The following PPP1CB variants were observed in gnomAD, a reference collection of about 807,000 sequenced individuals.
PPP1CB encodes the protein protein phosphatase 1 catalytic subunit beta.
In PPP1CB, 2 loss-of-function variants were observed where a neutral mutation model predicts 43.7. The ratio of observed to expected loss-of-function variants is 0.05; its 90% CI spans 0.02 to 0.14. The LOEUF (loss-of-function observed/expected upper bound fraction) is 0.14. Among genes scored for constraint, PPP1CB ranks in the 10% least tolerant of loss-of-function variants. The probability of loss-of-function intolerance (pLI) is 1.00; values close to 1 mark genes in which losing one functional copy is unlikely to be tolerated. For missense variants in PPP1CB, 84 were observed against 398.0 expected (o/e 0.21, Z 6.71); for synonymous variants, 136 against 135.6 (o/e 1.00, Z -0.02).
intron 1 of PPP1CB, among the ~76,000 whole-genome samples, chr2:28,752,793 GAC>G (rs1487515895): frequency 2.0e-5 from 3 of 152,216 alleles, no homozygotes; most frequent in African/African-American, 7.2e-5. Context: ...AAAATTGTAA[GAC>G]AAGATATTTG....
intron 5 of PPP1CB, among the ~76,000 whole-genome samples, chr2:28,786,589 C>G (rs1284431466): frequency 6.6e-6 from 1 of 151,828 alleles, no homozygotes; most frequent in Non-Finnish European, 1.5e-5. Context: ...TCGAGACCAT[C>G]CTGGCTAACA....
At position 28,766,281 on chromosome 2, in the gene PPP1CB, T is replaced by C. The variant is rs544503868; in HGVS notation, c.53-10570T>C. Among the ~76,000 whole-genome samples, 6 of 152,336 alleles carry C rather than the reference T, an allele frequency of 3.9e-5. No homozygotes were observed. In the South Asian group the frequency reaches 1.0e-3, roughly 26 times the overall value. Reference sequence around the variant, plus strand: ...TGTGTGGTTGGCCAAATGAGGATATTCAGCTTTTATTACTAACAAATAGTC... The same window carrying C: ...TGTGTGGTTGGCCAAATGAGGATATCCAGCTTTTATTACTAACAAATAGTC... On this transcript the variant is annotated intron_variant, in intron 1 of 7. Transcript: ENST00000395366.
intron 1 of PPP1CB, among the ~76,000 whole-genome samples, chr2:28,772,508 A>G (rs1186866869): frequency 6.6e-6 from 1 of 152,194 alleles, no homozygotes; most frequent in Non-Finnish European, 1.5e-5. Flanking sequence ...TACTTAATGA[A>G]ATAAACTGAC....
In PPP1CB at chr2:28,801,110, A is replaced by G. The variant is rs1441469886; in HGVS notation, c.*1807A>G. The G allele has an allele frequency of 2.0e-5, 3 of 152,326 alleles. No homozygotes were observed. The highest frequency in any genetic ancestry group is 1.9e-4 in the East Asian group (1 of 5,188). The allele number at this position is 152,326 out of a possible 1,614,324, so 9.4% of individuals were successfully genotyped here. On this transcript the variant is annotated 3_prime_UTR_variant, in exon 8 of 8. Transcript: ENST00000395366. ...CACACATTTTATTCACATAGATACT[A>G]TGTCCTTGACATATTGAAATGATTC...
chr2:28,780,989 G>T (rs1338245321), intron 3 of PPP1CB, among the ~76,000 whole-genome samples: 1 of 152,068 alleles, frequency 6.6e-6, no homozygotes, highest in Non-Finnish European at 1.5e-5. Flanking sequence ...ATGCATTAGT[G>T]TTAAAATGGA....
chr2:28,783,884 A>G (rs1191698421), intron 4 of PPP1CB, 23 bp from the exon 5 acceptor site: 9 of 1,570,380 alleles, frequency 5.7e-6, no homozygotes, highest in Admixed American at 5.0e-5. Context: ...TGTTAGTACT[A>G]TGTCTCATCT....
At chr2:28,752,888 A>G (rs968529603) in intron 1 of PPP1CB, among the ~76,000 whole-genome samples, 1 of 152,248 alleles carries the variant, frequency 6.6e-6, no homozygotes, top group Non-Finnish European at 1.5e-5. Context: ...TGATTTGAGC[A>G]GAGCTTAATT....
At chr2:28,798,242 A>G (rs1667536758) in intron 7 of PPP1CB, among the ~76,000 whole-genome samples, 1 of 152,132 alleles carries the variant, frequency 6.6e-6, no homozygotes, top group Non-Finnish European at 1.5e-5. Context: ...GAGTGTAGTA[A>G]AAAAGCCAGA....
chr2:28,765,998 AT>A (rs994758704), intron 1 of PPP1CB, among the ~76,000 whole-genome samples: 3 of 152,056 alleles, frequency 2.0e-5, no homozygotes, highest in African/African-American at 7.3e-5. Flanking sequence ...TTTCTCATAT[AT>A]TTTTTTGCCT....
chr2:28,770,391 G>A (rs1666878977), intron 1 of PPP1CB, among the ~76,000 whole-genome samples: 1 of 125,824 alleles, frequency 7.9e-6, no homozygotes, highest in Non-Finnish European at 1.7e-5. Context: ...AGGGGGGGGG[G>A]AGGGGGGTGT....
intron 1 of PPP1CB, among the ~76,000 whole-genome samples, chr2:28,773,925 T>C (rs1263614696): frequency 6.6e-6 from 1 of 152,176 alleles, no homozygotes; most frequent in South Asian, 2.1e-4. Flanking sequence ...GGGCTGCCAA[T>C]TATAATTGTA....
chr2:28,752,394 G>A (rs1303667884), intron 1 of PPP1CB, among the ~76,000 whole-genome samples: 1 of 152,158 alleles, frequency 6.6e-6, no homozygotes, highest in African/African-American at 2.4e-5. Flanking sequence ...GGGGAGAGGG[G>A]GCCGTTCCCG....
At chr2:28,792,459 C>T (rs1667408722) in intron 6 of PPP1CB, among the ~76,000 whole-genome samples, 1 of 152,080 alleles carries the variant, frequency 6.6e-6, no homozygotes, top group Admixed American at 6.6e-5. Flanking sequence ...GAAGTTGTGA[C>T]TGCAGTAAGC....
At chr2:28,784,139 T>G (rs1397198829) in intron 5 of PPP1CB, among the ~76,000 whole-genome samples, 161 bp downstream of exon 5, 2 of 152,230 alleles carry the variant, frequency 1.3e-5, no homozygotes, top group Non-Finnish European at 2.9e-5. Context: ...TAATACACAA[T>G]TTTTCACTTT....
intron 4 of PPP1CB, chr2:28,782,830 G>A (rs1007557965): frequency 2.0e-5 from 3 of 152,188 alleles, no homozygotes; most frequent in African/African-American, 4.8e-5. Flanking sequence ...GTGGAAAAAC[G>A]CTGAAAAGAT....
intron 6 of PPP1CB, 135 bp downstream of exon 6, chr2:28,788,944 G>T: frequency 1.1e-6 from 1 of 887,252 alleles, no homozygotes. Flanking sequence ...TGCAACCTGT[G>T]CCTCCCGGGT....
rs993020352 is a variant in PPP1CB at position 28,799,142 on chromosome 2, T to A, written c.880-57T>A. On this transcript the variant is annotated intron_variant, in intron 7 of 7. Coordinates refer to ENST00000395366, the MANE Select transcript of PPP1CB (RefSeq NM_002709.3). ...TTATTGAAAATCACAATTGTAACAA[T>A]TTTCTTAACTTCTGTACATGAAAAA... 2.3e-5 allele frequency: 28 copies of A among 1,221,926 alleles called. No homozygotes were observed. The Admixed American group carries it at 6.4e-4, about 28-fold the overall frequency. The allele number at this position is 1,221,926 out of a possible 1,614,324, so 75.7% of individuals were successfully genotyped here.
intron 1 of PPP1CB, among the ~76,000 whole-genome samples, chr2:28,775,977 T>G (rs75656501): frequency 0.028 from 4,190 of 152,256 alleles, 172 homozygotes; most frequent in African/African-American, 0.087. Flanking sequence ...AAGTTAATTT[T>G]TAATACATAG....
intron 1 of PPP1CB, among the ~76,000 whole-genome samples, chr2:28,764,736 A>G (rs186201584): frequency 6.6e-5 from 10 of 152,094 alleles, no homozygotes; most frequent in African/African-American, 1.9e-4. Flanking sequence ...GCCTGGGCAC[A>G]TGGCGAAACC....
Sources: gnomAD v4.1 joint callset for allele counts (sites outside exome capture counted in the v4.1 genomes callset) on GRCh38, gnomAD v4.1.1 for gene constraint, MANE v1.5 for transcripts, NCBI Gene and HGNC (gene_info 2026-07-23, HGNC 2026-07-21) for gene names.